TMEM131: variants seen among roughly 807,000 people sequenced by gnomAD.
TMEM131 encodes transmembrane protein 131.
TMEM131 carries 66 observed loss-of-function variants against 211.6 expected under a neutral mutation model. That is an observed-to-expected ratio of 0.31 (90% CI 0.26 to 0.38). TMEM131 has a LOEUF of 0.38. Ranked by LOEUF, TMEM131 falls within the 10% of genes least tolerant of loss-of-function variation. The pLI, the probability that TMEM131 is intolerant of heterozygous loss-of-function variation, is 1.00. For missense variants in TMEM131, 2,036 were observed against 2,299.3 expected, an observed-to-expected ratio of 0.89 and a Z score of 2.34; for synonymous variants, 844 against 841.3, an observed-to-expected ratio of 1.00 and a Z score of -0.06.
At chr2:97,864,785 A>T (rs1674207318) in intron 4 of TMEM131, among the ~76,000 whole-genome samples, 1 of 152,352 alleles carries the variant, frequency 6.6e-6, no homozygotes, top group Admixed American at 6.5e-5. Flanking sequence ...CTGAGCTGAC[A>T]ACGAGAGGCT....
At chr2:97,836,937 G>C (rs1682967612) in intron 8 of TMEM131, 140 bp downstream of exon 8, 1 of 695,710 alleles carries the variant, frequency 1.4e-6, no homozygotes, top group African/African-American at 1.9e-5. Context: ...ATATATACTT[G>C]ACATAAATTA....
At chr2:97,846,119 C>T (rs149103046) in intron 5 of TMEM131, among the ~76,000 whole-genome samples, 16 of 152,310 alleles carry the variant, frequency 1.1e-4, no homozygotes, top group Non-Finnish European at 1.9e-4. Context: ...TGATTTCACT[C>T]GTGGAAAAGA....
chr2:97,981,382 T>C (rs1456449403), intron 1 of TMEM131, among the ~76,000 whole-genome samples: 2 of 152,222 alleles, frequency 1.3e-5, no homozygotes, highest in Non-Finnish European at 1.5e-5. Context: ...AACATATATG[T>C]AATTTTGTTA....
At chr2:97,976,960 CAA>C (rs34708023) in intron 1 of TMEM131, among the ~76,000 whole-genome samples, 127 of 112,164 alleles carry the variant, frequency 1.1e-3, no homozygotes, top group Middle Eastern at 5.1e-3. Flanking sequence ...TATTTATATG[CAA>C]AAAAAAAAAA....
At position 97,844,116 on chromosome 2, in the gene TMEM131, A is replaced by AT. The variant is rs746676250; in HGVS notation, c.600+28dup. 2.7e-5 allele frequency: 18 copies of AT among 672,636 alleles called. No homozygotes were observed. In the South Asian group the frequency reaches 6.6e-4, roughly 25 times the overall value. The allele number at this position is 672,636 out of a possible 1,614,324, so 41.7% of individuals were successfully genotyped here. The stretch of plus-strand genomic sequence containing the variant: ...AAGGCAGAGGTAATGATTATATTGT[A>AT]TAAAATAAGTTTTAATTCTGGTTCT... On this transcript the variant is annotated intron_variant, in intron 6 of 40. Coordinates refer to ENST00000186436, the MANE Select transcript of TMEM131 (RefSeq NM_015348.2).
chr2:97,911,300 A>C (rs902920633), intron 2 of TMEM131, among the ~76,000 whole-genome samples: 20 of 152,214 alleles, frequency 1.3e-4, no homozygotes, highest in African/African-American at 4.8e-4. Context: ...TAAGGAGCGT[A>C]AAGGGATTAC....
intron 7 of TMEM131, among the ~76,000 whole-genome samples, chr2:97,838,266 C>G (rs1156382399): frequency 6.6e-6 from 1 of 151,864 alleles, no homozygotes; most frequent in East Asian, 1.9e-4. Flanking sequence ...TAAAGGTAAG[C>G]TAACCCTAAT....
chr2:97,918,300 A>T (rs1240845681), intron 2 of TMEM131, among the ~76,000 whole-genome samples: 1 of 152,176 alleles, frequency 6.6e-6, no homozygotes, highest in Non-Finnish European at 1.5e-5. Context: ...CATTAGGTAT[A>T]AACTCAGATG....
chr2:97,993,324 T>C (rs1199400077), intron 1 of TMEM131, among the ~76,000 whole-genome samples: 1 of 152,222 alleles, frequency 6.6e-6, no homozygotes, highest in Admixed American at 6.5e-5. Context: ...CTGCCCAAAC[T>C]TGCTGAAAAA....
rs548966623 is a variant in TMEM131 at position 97,756,527 on chromosome 2, T to C, written c.*572A>G. On this transcript the variant is annotated 3_prime_UTR_variant, in exon 41 of 41. Coordinates refer to ENST00000186436, the MANE Select transcript of TMEM131 (RefSeq NM_015348.2). ...AATGCATATGGTCTCAACTGAATGTTTTTACATTCATTCACCGTTCTTAAG... is the reference window on the plus strand; with the variant it reads ...AATGCATATGGTCTCAACTGAATGTCTTTACATTCATTCACCGTTCTTAAG... 1.3e-5 allele frequency: 2 copies of C among 152,376 alleles called. No homozygotes were observed. The highest frequency in any genetic ancestry group is 4.1e-4 in the South Asian group (2 of 4,828). 9.4% of individuals were successfully genotyped at this position (152,376 alleles called of 1,614,324 possible). A position where few individuals can be genotyped will look rare whatever the true frequency, so the allele number is the denominator to read the frequency against.
intron 6 of TMEM131, among the ~76,000 whole-genome samples, chr2:97,843,804 C>A (rs1683305767): frequency 6.6e-6 from 1 of 152,018 alleles, no homozygotes; most frequent in African/African-American, 2.4e-5. Context: ...GGAAAGTAGA[C>A]ATGAATGTTT....
chr2:97,853,393 G>A (rs1451626664), intron 5 of TMEM131, among the ~76,000 whole-genome samples: 6 of 146,092 alleles, frequency 4.1e-5, no homozygotes, highest in African/African-American at 1.0e-4. Context: ...TCAGGAGTTC[G>A]AGACCAGCCT....
intron 2 of TMEM131, among the ~76,000 whole-genome samples, 178 bp from the exon 3 acceptor site, chr2:97,908,876 C>T (rs1399868040): frequency 6.6e-6 from 1 of 152,170 alleles, no homozygotes. Flanking sequence ...TGTAAACACA[C>T]ATGAAGTAAC....
At position 97,844,215 on chromosome 2, in the gene TMEM131, G is replaced by T; in HGVS notation, c.530C>A (p.Ala177Glu). 1.5e-6 allele frequency: 2 copies of T among 1,331,440 alleles called. No individual in the cohort carries two copies. The highest frequency in any genetic ancestry group is 2.0e-6 in the Non-Finnish European group (2 of 1,007,154). The allele number at this position is 1,331,440 out of a possible 1,614,324, so 82.5% of individuals were successfully genotyped here. ...GNTSFDVVFL[A>E]RVVGNVENTL... ...ATTTTCTACATTTCCTACTACTCTT[G>T]CAAGAAAAACTACATCAAATGATGT... Residue 177 changes from alanine (A) to glutamate (E), a missense_variant, in exon 6 of 41, where the codon GCA becomes GAA. Physicochemically the swap from Ala to Glu is moderately radical, Grantham distance 107. Around this residue, in one of 3 missense-constraint regions of TMEM131, gnomAD observed 277 missense variants for 378.0 expected, o/e 0.73. Transcript: ENST00000186436.
intron 1 of TMEM131, among the ~76,000 whole-genome samples, chr2:97,948,578 G>T (rs1478811225): frequency 6.6e-6 from 1 of 152,172 alleles, no homozygotes; most frequent in Non-Finnish European, 1.5e-5. Context: ...GGATGTGCAG[G>T]AAGTGGAACT....
In TMEM131 at chr2:97,827,068, CAAAAAAA is replaced by C. The variant is rs66841026; in HGVS notation, c.1074+6290_1074+6296del. 1.6e-4 allele frequency among the ~76,000 whole-genome samples: 15 copies of C among 93,670 alleles called. No individual in the cohort carries two copies. In the East Asian group the frequency reaches 1.9e-3, roughly 12 times the overall value. The allele number at this position is 93,670 out of a possible 152,430, so 61.5% of individuals were successfully genotyped here. On this transcript the variant is annotated intron_variant, in intron 11 of 40. Transcript: ENST00000186436. ...CAATGGGTATTCAGTAAGTGATAAG[CAAAAAAA>C]AAAAAAAAAAAAAAAATTTTAAAAT...
rs542029336 is a variant in TMEM131 at position 97,862,383 on chromosome 2, A to G, written c.360-2956T>C. On this transcript the variant is annotated intron_variant, in intron 4 of 40. Transcript: ENST00000186436. The stretch of plus-strand genomic sequence containing the variant: ...AACATGACTTCCTTAAATGAATTAA[A>G]TAAGGCACCAGGGACCAATCCGAGA... 7.2e-5 allele frequency among the ~76,000 whole-genome samples: 11 copies of G among 152,320 alleles called. No individual in the cohort carries two copies. In the South Asian group the frequency reaches 2.1e-3, roughly 29 times the overall value.
Position 97,779,006 on chromosome 2 carries a change from C to A in TMEM131, c.4145-2988G>T, listed in dbSNP as rs563322803. The stretch of plus-strand genomic sequence containing the variant: ...TCAAGTTTGTGATTATGGTTCTTAA[C>A]CAGACACACTTCAGAATAACACATG... On this transcript the variant is annotated intron_variant, in intron 31 of 40. Transcript: ENST00000186436. Among the ~76,000 whole-genome samples the A allele has an allele frequency of 7.9e-5, 12 of 152,324 alleles. No homozygotes were observed. In the East Asian group the frequency reaches 1.7e-3, roughly 22 times the overall value.
chr2:97,860,018 A>G (rs1674002819), intron 4 of TMEM131, among the ~76,000 whole-genome samples: 2 of 151,958 alleles, frequency 1.3e-5, no homozygotes, highest in East Asian at 3.9e-4. Context: ...ACCTAAACAC[A>G]CTCAATGGTC....
Sources: allele counts gnomAD v4.1 joint callset (sites outside exome capture counted in the v4.1 genomes callset), GRCh38; gene constraint gnomAD v4.1.1; regional missense constraint gnomAD v4.1.1; transcripts MANE v1.5; gene names NCBI Gene and HGNC (gene_info 2026-07-23, HGNC 2026-07-21).